RASA1: variants seen among roughly 807,000 people sequenced by gnomAD.
RASA1 encodes RAS p21 protein activator 1.
In RASA1, 25 loss-of-function variants were observed where a neutral mutation model predicts 132.2. That is an observed-to-expected ratio of 0.19 (90% CI 0.14 to 0.26). The LOEUF is 0.26. RASA1 is among the 10% of genes least tolerant of loss of function. RASA1 has a pLI of 1.00. For synonymous variants in RASA1, 477 were observed against 449.9 expected (o/e 1.06, Z -0.76); for missense variants, 964 against 1,299.2 (o/e 0.74, Z 3.97).
chr5:87,298,245 T>G (rs899347479), intron 1 of RASA1, among the ~76,000 whole-genome samples: 3 of 151,564 alleles, frequency 2.0e-5, no homozygotes, highest in African/African-American at 7.3e-5. Context: ...CTGTCTCTAC[T>G]AAAAATACAA....
At chr5:87,389,369 T>A (rs767517006) in intron 23 of RASA1, 24 bp from the exon 24 acceptor site, 1 of 1,613,548 alleles carries the variant, frequency 6.2e-7, no homozygotes, top group South Asian at 1.1e-5. Context: ...TATTTCTAAA[T>A]GCAATTTTAC....
In RASA1 at chr5:87,382,046, G is replaced by T. The variant is rs578216266; in HGVS notation, c.2690+1451G>T. Among the ~76,000 whole-genome samples, 8 of 152,236 alleles carry T rather than the reference G, an allele frequency of 5.3e-5. No individual in the cohort carries two copies. The East Asian group carries it at 1.5e-3, about 29-fold the overall frequency. On this transcript the variant is annotated intron_variant, in intron 20 of 24. Transcript: ENST00000274376. ...GGCTTACTGCAACCCCCGCCTCCCA[G>T]GTTCAAGTGAGATTCTTGTGCTTCA...
At chr5:87,278,613 A>G (rs562576177) in intron 1 of RASA1, among the ~76,000 whole-genome samples, 1 of 152,270 alleles carries the variant, frequency 6.6e-6, no homozygotes, top group East Asian at 1.9e-4. Flanking sequence ...CTCAGTGGTA[A>G]CATCTTGCAT....
intron 23 of RASA1, among the ~76,000 whole-genome samples, chr5:87,389,030 T>C (rs1459896631): frequency 1.3e-5 from 2 of 152,226 alleles, no homozygotes; most frequent in African/African-American, 4.8e-5. Flanking sequence ...ACAAAGTCTA[T>C]ATTTTACCAT....
chr5:87,356,648 C>G (rs1262816166), intron 9 of RASA1, among the ~76,000 whole-genome samples: 1 of 152,142 alleles, frequency 6.6e-6, no homozygotes, highest in Admixed American at 6.5e-5. Flanking sequence ...GCTGGGATTA[C>G]AGTTGTGAGC....
intron 8 of RASA1, among the ~76,000 whole-genome samples, chr5:87,350,463 A>G (rs993461122): frequency 6.6e-6 from 1 of 151,826 alleles, no homozygotes; most frequent in Non-Finnish European, 1.5e-5. Flanking sequence ...ATAAATGTCC[A>G]TATTGAGATC....
chr5:87,341,840 A>G (rs1383038330), intron 6 of RASA1, among the ~76,000 whole-genome samples: 4 of 152,092 alleles, frequency 2.6e-5, no homozygotes, highest in Admixed American at 6.5e-5. Context: ...TCATCTCCTA[A>G]TATCTTTTCA....
intron 8 of RASA1, among the ~76,000 whole-genome samples, chr5:87,350,597 G>A (rs995069628): frequency 6.6e-6 from 1 of 151,136 alleles, no homozygotes; most frequent in African/African-American, 2.4e-5. Flanking sequence ...GGAGGAAGTC[G>A]GTAAAACATG....
At chr5:87,336,896 A>G (rs1323213045) in intron 4 of RASA1, among the ~76,000 whole-genome samples, 2 of 152,112 alleles carry the variant, frequency 1.3e-5, no homozygotes, top group East Asian at 3.8e-4. Context: ...ATGATTATTC[A>G]AATATTGAGT....
chr5:87,355,981 T>C lies in RASA1; in HGVS notation c.1332+2746T>C, dbSNP rs187743311. On this transcript the variant is annotated intron_variant, in intron 9 of 24. Transcript: ENST00000274376. Reference sequence around the variant, plus strand: ...AATTACTCCACTTTTGTGATGAAACTGGAGCGAAAGAGGAGTTGCTTGTTA... The same window carrying C: ...AATTACTCCACTTTTGTGATGAAACCGGAGCGAAAGAGGAGTTGCTTGTTA... Among the ~76,000 whole-genome samples, 7 of 152,324 alleles carry C rather than the reference T, an allele frequency of 4.6e-5. No homozygotes were observed. The East Asian group carries it at 1.4e-3, about 29-fold the overall frequency.
intron 23 of RASA1, 96 bp downstream of exon 23, chr5:87,386,999 C>A: frequency 8.5e-7 from 1 of 1,176,646 alleles, no homozygotes; most frequent in Non-Finnish European, 1.2e-6. Context: ...GATTTTCTAT[C>A]CAAAACTAAA....
chr5:87,376,717 G>A, intron 16 of RASA1, 152 bp downstream of exon 16: 1 of 1,208,762 alleles, frequency 8.3e-7, no homozygotes, highest in Non-Finnish European at 1.2e-6. Context: ...TGTAATTTTG[G>A]TAGAAATAAG....
chr5:87,317,258 G>A (rs13186304), intron 1 of RASA1, among the ~76,000 whole-genome samples: 1,848 of 152,144 alleles, frequency 0.012, 25 homozygotes, highest in Middle Eastern at 0.044. Flanking sequence ...TTGTTTGTGC[G>A]TTCCAGACTT....
At chr5:87,379,951 T>A (rs1365162420) in intron 19 of RASA1, 101 bp downstream of exon 19, 4 of 1,203,376 alleles carry the variant, frequency 3.3e-6, no homozygotes, top group East Asian at 2.6e-5. Flanking sequence ...CTAATATTAT[T>A]ATACTCTGAA....
At chr5:87,387,477 A>AT (rs947987983) in intron 23 of RASA1, among the ~76,000 whole-genome samples, 2 of 152,116 alleles carry the variant, frequency 1.3e-5, no homozygotes, top group African/African-American at 4.8e-5. Context: ...ATCAAGTTAA[A>AT]TTTTCATGAT....
chr5:87,323,825 A>C (rs1757008295), intron 1 of RASA1, among the ~76,000 whole-genome samples: 1 of 151,826 alleles, frequency 6.6e-6, no homozygotes. Context: ...TTTAGGTCTC[A>C]GTTTAGCCAT....
At chr5:87,363,994 T>C (rs1303321599) in intron 11 of RASA1, among the ~76,000 whole-genome samples, 2 of 152,154 alleles carry the variant, frequency 1.3e-5, no homozygotes, top group Admixed American at 1.3e-4. Context: ...TGAATATAAA[T>C]GTATAAGCTG....
chr5:87,341,862 T>C (rs1758494991), intron 6 of RASA1, among the ~76,000 whole-genome samples: 1 of 152,170 alleles, frequency 6.6e-6, no homozygotes, highest in African/African-American at 2.4e-5. Flanking sequence ...TACAACATTT[T>C]TTCTTATCTT....
intron 1 of RASA1, among the ~76,000 whole-genome samples, chr5:87,325,352 A>G (rs992982915): frequency 6.6e-6 from 1 of 152,222 alleles, no homozygotes; most frequent in Admixed American, 6.5e-5. Flanking sequence ...ACACAGCCAA[A>G]CCATATCACA....
Sources: gnomAD v4.1 joint callset for allele counts (sites outside exome capture counted in the v4.1 genomes callset) on GRCh38, gnomAD v4.1.1 for gene constraint, MANE v1.5 for transcripts, NCBI Gene and HGNC (gene_info 2026-07-23, HGNC 2026-07-21) for gene names.